RANGAP1: variants seen among roughly 807,000 people sequenced by gnomAD.
RANGAP1 encodes the protein Ran GTPase activating protein 1, also known as ran GTPase-activating protein 1.
A neutral mutation model predicts 63.5 loss-of-function variants in RANGAP1; 38 were observed. The ratio of observed to expected loss-of-function variants is 0.60; its 90% confidence interval spans 0.46 to 0.78. The LOEUF is 0.78. Ranked by LOEUF, RANGAP1 falls within the 30% of genes least tolerant of loss-of-function variation. RANGAP1 has a pLI of 0.00. For missense variants in RANGAP1, 630 were observed against 740.3 expected, an observed-to-expected ratio of 0.85 and a Z score of 1.73; for synonymous variants, 329 against 310.5, an observed-to-expected ratio of 1.06 and a Z score of -0.63.
At chr22:41,269,739 C>CAA (rs35959490) in intron 3 of RANGAP1, among the ~76,000 whole-genome samples, 42 of 93,024 alleles carry the variant, frequency 4.5e-4, no homozygotes, top group Non-Finnish European at 5.8e-4. Flanking sequence ...AAGACTCTCT[C>CAA]AAAAAAAAAA....
At chr22:41,266,492 A>C (rs1242073770) in intron 4 of RANGAP1, among the ~76,000 whole-genome samples, 1 of 152,218 alleles carries the variant, frequency 6.6e-6, no homozygotes, top group Non-Finnish European at 1.5e-5. Flanking sequence ...TTCCACAGTG[A>C]GTATGCAAAA....
intron 1 of RANGAP1, among the ~76,000 whole-genome samples, chr22:41,283,184 G>A (rs1343585358): frequency 7.3e-6 from 1 of 136,288 alleles, no homozygotes; most frequent in Non-Finnish European, 1.5e-5. Context: ...TGTTCTAAAT[G>A]ACACATTTAG....
the RANGAP1 span, among the ~76,000 whole-genome samples, chr22:41,298,785 C>T: frequency 3.3e-5 from 5 of 152,150 alleles, no homozygotes; most frequent in East Asian, 9.6e-4. Flanking sequence ...GGGTGTACCC[C>T]ATCGAGTACA....
chr22:41,277,841 G>C (rs980300294), intron 2 of RANGAP1, among the ~76,000 whole-genome samples: 35 of 152,278 alleles, frequency 2.3e-4, no homozygotes, highest in African/African-American at 7.9e-4. Context: ...CTTTTCACTT[G>C]TTTTCATAGA....
intron 2 of RANGAP1, chr22:41,277,526 T>C (rs1257873305): frequency 8.4e-7 from 1 of 1,193,508 alleles, no homozygotes; most frequent in African/African-American, 1.6e-5. Flanking sequence ...GGGTGACATG[T>C]GGGAGGGAAG....
At chr22:41,295,087 C>A in the RANGAP1 span, among the ~76,000 whole-genome samples, 2 of 147,536 alleles carry the variant, frequency 1.4e-5, no homozygotes, top group African/African-American at 5.2e-5. Flanking sequence ...GGGGGTCAGC[C>A]CCCCGCCCGG....
chr22:41,249,626 G>A, intron 14 of RANGAP1, 103 bp downstream of exon 14: 1 of 1,526,374 alleles, frequency 6.6e-7, no homozygotes. Context: ...GGGCGAGCCG[G>A]CTCAGGACTC....
At chr22:41,274,510 T>C (rs2035025321) in intron 3 of RANGAP1, 90 bp downstream of exon 3, 5 of 1,557,404 alleles carry the variant, frequency 3.2e-6, no homozygotes, top group Non-Finnish European at 3.5e-6. Context: ...GGCAGGGGCC[T>C]GGAAGAGACT....
At chr22:41,250,703 T>C (rs867137248) in intron 13 of RANGAP1, among the ~76,000 whole-genome samples, 4 of 152,196 alleles carry the variant, frequency 2.6e-5, no homozygotes, top group Non-Finnish European at 5.9e-5. Context: ...CTCCTCCCGA[T>C]AGACCTGCGT....
intron 1 of RANGAP1, among the ~76,000 whole-genome samples, chr22:41,283,520 TAAC>T (rs200950917): frequency 5.3e-5 from 8 of 151,090 alleles, no homozygotes; most frequent in South Asian, 2.1e-4. Context: ...AACAAACAAA[TAAC>T]AACAACAACA....
Position 41,249,459 on chromosome 22 carries a change from G to A in RANGAP1, c.1573-8C>T. ...CTTGACCTTGTCTTCACTCTGAGAG[G>A]AACACAGCGAAAAGCGGGGTGAGCT... On this transcript the variant is annotated splice_polypyrimidine_tract_variant and splice_region_variant and intron_variant, in intron 14 of 15. Coordinates refer to ENST00000356244, the MANE Select transcript of RANGAP1 (RefSeq NM_002883.4). The A allele has an allele frequency of 1.2e-6, 2 of 1,612,612 alleles. No homozygotes were observed. The highest frequency in any genetic ancestry group is 1.7e-6 in the Non-Finnish European group (2 of 1,179,800).
At chr22:41,280,555 C>CCGCT in intron 2 of RANGAP1, 31 of 785,476 alleles carry the variant, frequency 3.9e-5, no homozygotes, top group Non-Finnish European at 5.5e-5. Context: ...GGGAAAGCTG[C>CCGCT]AGCTATTCCC....
chr22:41,274,185 C>T (rs1360328063), intron 3 of RANGAP1, among the ~76,000 whole-genome samples: 1 of 152,238 alleles, frequency 6.6e-6, no homozygotes, highest in Non-Finnish European at 1.5e-5. Flanking sequence ...GAGGCCTGGC[C>T]ACTTCTGCCC....
intron 3 of RANGAP1, among the ~76,000 whole-genome samples, chr22:41,273,489 C>T (rs568063545): frequency 1.8e-4 from 28 of 152,026 alleles, no homozygotes; most frequent in Non-Finnish European, 3.2e-4. Flanking sequence ...ACTTGCCAGC[C>T]GCACGCAGTG....
chr22:41,278,474 C>T (rs1217700291), intron 2 of RANGAP1, among the ~76,000 whole-genome samples: 1 of 152,238 alleles, frequency 6.6e-6, no homozygotes, highest in Non-Finnish European at 1.5e-5. Context: ...TGAAGATAAA[C>T]TGAGATACTA....
chr22:41,249,933 C>T lies in RANGAP1; in HGVS notation c.1484-116G>A, dbSNP rs755599825. 70 of 848,220 alleles carry T rather than the reference C, an allele frequency of 8.3e-5. No homozygotes were observed. In the Middle Eastern group the frequency reaches 1.1e-3, roughly 14 times the overall value. The allele number at this position is 848,220 out of a possible 1,614,324, so 52.5% of individuals were successfully genotyped here. A position where few individuals can be genotyped will look rare whatever the true frequency, so the allele number is the denominator to read the frequency against. ...AGGCTCGCCTGCCTCCTCGCCCTGA[C>T]GAAGAGGCGAACACGAGAGGGACGG... is the stretch of plus-strand genomic sequence containing the variant. On this transcript the variant is annotated intron_variant, in intron 13 of 15. Transcript: ENST00000356244.
chr22:41,248,581 G>A (rs1003589100), intron 15 of RANGAP1, among the ~76,000 whole-genome samples: 2 of 152,244 alleles, frequency 1.3e-5, no homozygotes, highest in African/African-American at 4.8e-5. Context: ...CCGACTGACT[G>A]GAAGTGTGGC....
chr22:41,294,033 T>A, the RANGAP1 span, among the ~76,000 whole-genome samples: 7 of 138,678 alleles, frequency 5.0e-5, no homozygotes, highest in African/African-American at 1.9e-4. Flanking sequence ...CCTCTCCCTC[T>A]CCTTCTCCCT....
intron 8 of RANGAP1, among the ~76,000 whole-genome samples, 171 bp from the exon 9 acceptor site, chr22:41,256,461 C>T (rs1025650698): frequency 1.3e-5 from 2 of 152,160 alleles, no homozygotes; most frequent in African/African-American, 4.8e-5. Flanking sequence ...CTGCAGCCAA[C>T]GATGAGTCAC....
Sources: gnomAD v4.1 joint callset for allele counts (sites outside exome capture counted in the v4.1 genomes callset) on GRCh38, gnomAD v4.1.1 for gene constraint, MANE v1.5 for transcripts, NCBI Gene and HGNC (gene_info 2026-07-23, HGNC 2026-07-21) for gene names.